The following RYR1 variants were observed in gnomAD, a reference collection of about 807,000 sequenced individuals.
RYR1 encodes the protein ryanodine receptor 1, also known as central core disease of muscle.
In RYR1, 342 loss-of-function variants were observed where a neutral mutation model predicts 583.5. The ratio of observed to expected loss-of-function variants is 0.59; its 90% confidence interval spans 0.54 to 0.64. The LOEUF is 0.64. RYR1 is among the 30% of genes least tolerant of loss of function. The probability of loss-of-function intolerance (pLI) is 0.00; values close to 1 mark genes in which losing one functional copy is unlikely to be tolerated. For missense variants in RYR1, 6,032 were observed against 6,917.2 expected (o/e 0.87, Z 4.54); for synonymous variants, 2,791 against 2,822.5 (o/e 0.99, Z 0.35).
At position 38,469,508 on chromosome 19, in the gene RYR1, T is replaced by C. The variant is rs771944773; in HGVS notation, c.3760T>C (p.Tyr1254His). Residue 1254 changes from tyrosine to histidine, a missense_variant, in exon 27 of 106, where the codon TAT (tyrosine) becomes CAT (histidine). This residue lies in a region of RYR1 where 2,627 missense variants were observed against 2,961.3 expected (regional missense o/e 0.89). Coordinates refer to ENST00000359596, the MANE Select transcript of RYR1 (RefSeq NM_000540.3). ...GCCAGTGCCCCTTGAACACCCTCACTATGAGGTAAGGACTGAGCCCCTCAA... is the reference window on the plus strand; with the variant it reads ...GCCAGTGCCCCTTGAACACCCTCACCATGAGGTAAGGACTGAGCCCCTCAA... Reference protein sequence around the residue: ...FEPVPLEHPHYEVSRVDGTVD... With the variant: ...FEPVPLEHPHHEVSRVDGTVD... 10 of 1,613,996 alleles carry C rather than the reference T, an allele frequency of 6.2e-6. No individual in the cohort carries two copies. The highest frequency in any genetic ancestry group is 7.6e-6 in the Non-Finnish European group (9 of 1,179,962).
intron 3 of RYR1, among the ~76,000 whole-genome samples, chr19:38,442,877 G>A (rs887731475): frequency 1.3e-5 from 2 of 152,050 alleles, no homozygotes; most frequent in African/African-American, 4.8e-5. Flanking sequence ...GCTCCTCTCC[G>A]CATGGGACCT....
intron 35 of RYR1, 69 bp downstream of exon 35, chr19:38,489,512 T>G (rs1049713752): frequency 1.3e-6 from 2 of 1,581,010 alleles, no homozygotes; most frequent in African/African-American, 1.3e-5. Flanking sequence ...AGGTGGGATG[T>G]GAGTCTGGAC....
rs118192122 is a variant in RYR1, at chr19:38,500,643, G to A, written c.7361G>A (p.Arg2454His). The A allele has an allele frequency of 6.2e-6, 10 of 1,613,754 alleles. No individual in the cohort carries two copies. The highest frequency in any genetic ancestry group is 1.7e-4 in the Middle Eastern group (1 of 5,850). Residue 2454 changes from arginine to histidine, a missense_variant, in exon 46 of 106, where the codon CGC (arginine) becomes CAC (histidine). Physicochemically the swap from Arg to His is conservative, Grantham distance 29. This residue lies in a region of RYR1 where 2,627 missense variants were observed against 2,961.3 expected (regional missense o/e 0.89). Transcript: ENST00000359596. The surrounding 1 kb of genome is among the most constrained non-coding windows in gnomAD (Gnocchi z 5.9). ...GGCAAGGGTGAGGCCCTGCGGATCC[G>A]CGCCATCCTCCGCTCCCTTGTGCCC... ...QAGKGEALRI[R>H]AILRSLVPLE...
At position 38,565,476 on chromosome 19, in the gene RYR1, C is replaced by G. The variant is rs794727983; in HGVS notation, c.13142C>G (p.Ala4381Gly). Reference protein sequence around the residue: ...AKKVTVTELLAGMPDPTSDEV... With the variant: ...AKKVTVTELLGGMPDPTSDEV... ...AAGGTGACGGTGACCGAGCTCCTGG[C>G]AGGCATGCCCGACCCCACCAGCGAC... Residue 4381 changes from alanine (A) to glycine (G), a missense_variant, in exon 91 of 106, where the codon GCA (alanine) becomes GGA (glycine). Transcript: ENST00000359596. This position sits in a 1 kb window ranked among gnomAD's most constrained non-coding sequence, Gnocchi z 4.7. 20 of 1,504,848 alleles carry G rather than the reference C, an allele frequency of 1.3e-5. 1 individual carries two copies. Among genetic ancestry groups the G allele is most frequent in the Non-Finnish European group, 1.8e-5 (20 of 1,134,322 alleles). The allele number at this position is 1,504,848 out of a possible 1,614,324, so 93.2% of individuals were successfully genotyped here.
chr19:38,465,036 G>A (rs1345409089), intron 23 of RYR1, among the ~76,000 whole-genome samples: 2 of 152,102 alleles, frequency 1.3e-5, no homozygotes, highest in Non-Finnish European at 2.9e-5. Flanking sequence ...AATGGTAAGA[G>A]GTGAGAATCT....
intron 71 of RYR1, 63 bp downstream of exon 71, chr19:38,525,565 G>A (rs1971432705): frequency 1.3e-6 from 2 of 1,549,592 alleles, no homozygotes; most frequent in African/African-American, 2.7e-5. Context: ...CTGAACCCCT[G>A]GGACCTTAGG....
chr19:38,454,955 G>A (rs893886105), intron 13 of RYR1, among the ~76,000 whole-genome samples: 28 of 152,040 alleles, frequency 1.8e-4, no homozygotes, highest in African/African-American at 6.5e-4. Context: ...GCAGGAAGGG[G>A]AAGTATAAAC....
chr19:38,503,033 C>T, intron 49 of RYR1, 63 bp downstream of exon 49: 2 of 1,519,394 alleles, frequency 1.3e-6, no homozygotes, highest in Non-Finnish European at 1.8e-6. Context: ...GCTCTTCCCT[C>T]CTACTGCGGG....
chr19:38,496,489 C>T lies in RYR1; in HGVS notation c.6744C>T (p.Arg2248=), dbSNP rs752011794. 1.9e-6 allele frequency: 3 copies of T among 1,613,692 alleles called. No individual in the cohort carries two copies. The highest frequency in any genetic ancestry group is 3.3e-5 in the Admixed American group (2 of 60,022). ...YFCRISRQNQ[R]SMFDHLSYLL... ...GCCGAATCAGCCGGCAGAACCAGCGCTCCATGTTTGACCACCTGAGCTACC... is the reference window on the plus strand; with the variant it reads ...GCCGAATCAGCCGGCAGAACCAGCGTTCCATGTTTGACCACCTGAGCTACC... The change falls in exon 41 of 106, where the codon CGC becomes CGT. Residue 2248 remains arginine (R), a synonymous_variant. Coordinates refer to ENST00000359596, the MANE Select transcript of RYR1 (RefSeq NM_000540.3). The surrounding 1 kb of genome is among the most constrained non-coding windows in gnomAD (Gnocchi z 4.8).
At position 38,502,774 on chromosome 19, in the gene RYR1, C is replaced by CAGGGGCAGGGGCAGGGGT. The variant is rs1568506373; in HGVS notation, c.7835+64_7835+65insTAGGGGCAGGGGCAGGGG. On this transcript the variant is annotated intron_variant, in intron 48 of 105. Transcript: ENST00000359596. ...GGTGGGGCAGGGGCAGGGGCAGGGG[C>CAGGGGCAGGGGCAGGGGT]AGGGGCAGGGGCAGGGGCAGGGGCA... The CAGGGGCAGGGGCAGGGGT allele has an allele frequency of 3.3e-5, 24 of 733,722 alleles. No homozygotes were observed. In the African/African-American group the frequency reaches 8.7e-4, roughly 26 times the overall value. The allele number at this position is 733,722 out of a possible 1,614,324, so 45.5% of individuals were successfully genotyped here.
At chr19:38,511,009 C>T (rs1303723573) in intron 60 of RYR1, among the ~76,000 whole-genome samples, 3 of 152,190 alleles carry the variant, frequency 2.0e-5, no homozygotes, top group Admixed American at 6.5e-5. Context: ...GGAAGGCCAA[C>T]TCAAGGCCGG....
At chr19:38,518,195 AGAAGGAAGGAAGGCAG>A (rs1179645945) in intron 66 of RYR1, among the ~76,000 whole-genome samples, 1 of 151,668 alleles carries the variant, frequency 6.6e-6, no homozygotes, top group Non-Finnish European at 1.5e-5. Context: ...AGGGAAGGAA[AGAAGGAAGGAAGGCAG>A]GAAGGAAGGA....
chr19:38,492,068 A>G (rs191119376), intron 37 of RYR1, among the ~76,000 whole-genome samples: 3 of 152,348 alleles, frequency 2.0e-5, no homozygotes, highest in Admixed American at 6.5e-5. Flanking sequence ...GAACATACAA[A>G]GAAATAAATG....
chr19:38,532,507 A>T lies in RYR1; in HGVS notation c.11159A>T (p.Tyr3720Phe). ...LTEKSKLDED[Y>F]LYMAYADIMA... ...TTCCCCAGCAAACTGGATGAGGATT[A>T]CCTGTACATGGCCTATGCTGATATC... Residue 3720 changes from tyrosine (Y) to phenylalanine (F), a missense_variant, in exon 77 of 106, where the codon TAC (tyrosine) becomes TTC (phenylalanine). Physicochemically the swap from Tyr to Phe is conservative, Grantham distance 22. Transcript: ENST00000359596. 2 of 1,614,128 alleles carry T rather than the reference A, an allele frequency of 1.2e-6. No homozygotes were observed. The highest frequency in any genetic ancestry group is 1.7e-6 in the Non-Finnish European group (2 of 1,180,016).
chr19:38,468,048 T>TCCATC (rs1555774295), intron 25 of RYR1, among the ~76,000 whole-genome samples: 1 of 67,636 alleles, frequency 1.5e-5, no homozygotes, highest in African/African-American at 5.2e-5. Flanking sequence ...CATCCATCCA[T>TCCATC]CATCCATCCA....
At chr19:38,583,882 A>G (rs1042085202) in intron 101 of RYR1, among the ~76,000 whole-genome samples, 1 of 152,030 alleles carries the variant, frequency 6.6e-6, no homozygotes, top group African/African-American at 2.4e-5. Context: ...ACAGAGCCAC[A>G]TGCCCAGGCC....
Position 38,565,920 on chromosome 19 carries a change from G to A in RYR1, c.13437+149G>A, listed in dbSNP as rs1193969118. ...CACGGAGGACGCACCCATGGAGGAC[G>A]CACACGGGGACAGCGGGCGCCGGGC... On this transcript the variant is annotated intron_variant, in intron 91 of 105. Transcript: ENST00000359596. This position sits in a 1 kb window ranked among gnomAD's most constrained non-coding sequence, Gnocchi z 4.7. 3 of 949,078 alleles carry A rather than the reference G, an allele frequency of 3.2e-6. No homozygotes were observed. Among genetic ancestry groups the A allele is most frequent in the Non-Finnish European group, 4.2e-6 (3 of 709,916 alleles). 58.8% of individuals were successfully genotyped at this position (949,078 alleles called of 1,614,324 possible). A position where few individuals can be genotyped will look rare whatever the true frequency, so the allele number is the denominator to read the frequency against.
chr19:38,532,500 G>A lies in RYR1; in HGVS notation c.11152G>A (p.Glu3718Lys). The A allele has an allele frequency of 6.2e-7, 1 of 1,614,178 alleles. No homozygotes were observed. ...TALTEKSKLD[E>K]DYLYMAYADI... is the part of the protein sequence containing the mutation. ...TGCTTACTTCCCCAGCAAACTGGAT[G>A]AGGATTACCTGTACATGGCCTATGC... The change falls in exon 77 of 106, where the codon GAG (glutamate) becomes AAG (lysine). Residue 3718 changes from glutamate (E) to lysine (K), a missense_variant. Around this residue, in one of 11 missense-constraint regions of RYR1, gnomAD observed 1,493 missense variants for 1,715.5 expected, o/e 0.87. Transcript: ENST00000359596.
intron 87 of RYR1, among the ~76,000 whole-genome samples, chr19:38,545,099 C>T (rs1266765560): frequency 6.6e-6 from 1 of 152,110 alleles, no homozygotes; most frequent in Non-Finnish European, 1.5e-5. Flanking sequence ...GAGATTCTCT[C>T]TGACTAGCCT....
Sources: gnomAD v4.1 joint callset for allele counts (sites outside exome capture counted in the v4.1 genomes callset) on GRCh38, gnomAD v4.1.1 for gene constraint, gnomAD v4.1.1 regional missense constraint, Gnocchi (gnomAD v3.1) non-coding constraint, MANE v1.5 for transcripts, NCBI Gene and HGNC (gene_info 2026-07-23, HGNC 2026-07-21) for gene names.